Variants in LIMCH1 observed in about 807,000 individuals in gnomAD.
LIMCH1 encodes the protein LIM and calponin homology domains 1.
LIMCH1 carries 113 observed loss-of-function variants against 176.5 expected under a neutral mutation model. The observed-to-expected ratio is 0.64, with a 90% CI of 0.55 to 0.75. The LOEUF is 0.75. LIMCH1 is among the 30% of genes least tolerant of loss of function. LIMCH1 has a pLI of 0.00. For synonymous variants in LIMCH1, 619 were observed against 645.9 expected (o/e 0.96, Z 0.63); for missense variants, 1,674 against 1,814.9 (o/e 0.92, Z 1.41).
At chr4:41,526,910 C>A (rs539762105) in intron 3 of LIMCH1, among the ~76,000 whole-genome samples, 1 of 152,354 alleles carries the variant, frequency 6.6e-6, no homozygotes, top group East Asian at 1.9e-4. Flanking sequence ...ATCCTCATCT[C>A]TTGCCTGGAC....
chr4:41,681,202 G>A, intron 25 of LIMCH1, 143 bp downstream of exon 25: 1 of 519,122 alleles, frequency 1.9e-6, no homozygotes, highest in Non-Finnish European at 3.5e-6. Flanking sequence ...GCTACTGTGT[G>A]GCCATTGTAC....
At chr4:41,540,301 G>A (rs2078457418) in intron 1 of LIMCH1, among the ~76,000 whole-genome samples, 1 of 152,184 alleles carries the variant, frequency 6.6e-6, no homozygotes, top group South Asian at 2.1e-4. Flanking sequence ...AGAAAGAGGA[G>A]GAGGAGGAAC....
At chr4:41,635,424 C>T (rs565777245) in intron 13 of LIMCH1, among the ~76,000 whole-genome samples, 96 of 152,230 alleles carry the variant, frequency 6.3e-4, no homozygotes, top group South Asian at 4.8e-3. Context: ...GACGGGGTTT[C>T]GCTGTGTTGG....
chr4:41,486,243 G>A (rs181264860), intron 1 of LIMCH1, among the ~76,000 whole-genome samples: 31 of 152,150 alleles, frequency 2.0e-4, no homozygotes, highest in Middle Eastern at 3.4e-3. Context: ...TAAGCTTCCC[G>A]TTCTCCTAAG....
chr4:41,549,717 G>A (rs1312051796), intron 1 of LIMCH1, among the ~76,000 whole-genome samples: 5 of 151,978 alleles, frequency 3.3e-5, no homozygotes, highest in Non-Finnish European at 5.9e-5. Flanking sequence ...TGTATCTTGT[G>A]GGTTAGTGAT....
At chr4:41,666,195 A>G (rs973119503) in intron 20 of LIMCH1, among the ~76,000 whole-genome samples, 8 of 152,242 alleles carry the variant, frequency 5.3e-5, no homozygotes, top group African/African-American at 1.7e-4. Context: ...TGGAACATCT[A>G]AATCTCCTGA....
chr4:41,545,038 G>C (rs139309416), intron 1 of LIMCH1, among the ~76,000 whole-genome samples: 4 of 152,368 alleles, frequency 2.6e-5, no homozygotes, highest in African/African-American at 9.6e-5. Flanking sequence ...AGGGACTTCA[G>C]TGTCATAGGA....
chr4:41,466,318 C>G (rs1260249714), intron 1 of LIMCH1, among the ~76,000 whole-genome samples: 1 of 152,178 alleles, frequency 6.6e-6, no homozygotes, highest in South Asian at 2.1e-4. Flanking sequence ...TTCTCCACCC[C>G]GAGGACACAT....
At chr4:41,462,937 G>C (rs1472182459) in intron 1 of LIMCH1, among the ~76,000 whole-genome samples, 1 of 151,918 alleles carries the variant, frequency 6.6e-6, no homozygotes, top group East Asian at 1.9e-4. Context: ...AGCGAGCATA[G>C]GTTTAATAGC....
intron 2 of LIMCH1, among the ~76,000 whole-genome samples, chr4:41,497,673 C>T (rs887821921): frequency 2.0e-5 from 3 of 151,938 alleles, no homozygotes; most frequent in Non-Finnish European, 1.5e-5. Flanking sequence ...GGCTTGGTGG[C>T]GGATGCCTGT....
intron 1 of LIMCH1, among the ~76,000 whole-genome samples, chr4:41,491,149 C>T (rs2070824752): frequency 6.6e-6 from 1 of 151,346 alleles, no homozygotes; most frequent in Admixed American, 6.6e-5. Context: ...GCGCTCCCCA[C>T]CTCCCAGACG....
At chr4:41,399,840 A>ATTTTTTT (rs71198650) in intron 1 of LIMCH1, among the ~76,000 whole-genome samples, 6,745 of 113,756 alleles carry the variant, frequency 0.059, 417 homozygotes, top group Middle Eastern at 0.1. Flanking sequence ...TGCCCGGCTA[A>ATTTTTTT]TTTTTTTTTT....
intron 1 of LIMCH1, among the ~76,000 whole-genome samples, chr4:41,457,923 A>G (rs1288967712): frequency 6.6e-6 from 1 of 152,226 alleles, no homozygotes; most frequent in Non-Finnish European, 1.5e-5. Context: ...GGATAAATAG[A>G]TGAGGAACTA....
intron 1 of LIMCH1, among the ~76,000 whole-genome samples, chr4:41,571,088 T>G (rs2083476457): frequency 6.6e-6 from 1 of 151,832 alleles, no homozygotes; most frequent in South Asian, 2.1e-4. Flanking sequence ...AGGAGAGAAA[T>G]AAAGACTGTG....
chr4:41,634,110 A>C (rs777432190), intron 13 of LIMCH1, among the ~76,000 whole-genome samples: 5 of 152,344 alleles, frequency 3.3e-5, no homozygotes, highest in East Asian at 1.9e-4. Flanking sequence ...TTGAACTTCT[A>C]TCTGACTTAC....
chr4:41,624,415 C>T (rs1019980342), intron 7 of LIMCH1, among the ~76,000 whole-genome samples: 1 of 152,060 alleles, frequency 6.6e-6, no homozygotes, highest in African/African-American at 2.4e-5. Context: ...GCCCTCCTTA[C>T]CAAACGCCGG....
At chr4:41,654,216 C>T (rs189275736) in intron 18 of LIMCH1, among the ~76,000 whole-genome samples, 1 of 152,254 alleles carries the variant, frequency 6.6e-6, no homozygotes, top group East Asian at 1.9e-4. Flanking sequence ...AGCAACTGTG[C>T]TTCGAATTTT....
intron 1 of LIMCH1, among the ~76,000 whole-genome samples, chr4:41,554,414 G>C (rs1561731508): frequency 6.6e-6 from 1 of 152,144 alleles, no homozygotes; most frequent in Admixed American, 6.6e-5. Flanking sequence ...AATTCCTTCT[G>C]CTGTCACCTA....
intron 23 of LIMCH1, 42 bp downstream of exon 23, chr4:41,676,504 T>A: frequency 7.1e-7 from 1 of 1,413,974 alleles, no homozygotes; most frequent in Non-Finnish European, 1.0e-6. Flanking sequence ...TCCTTTTTTG[T>A]CCTCTTGCTT....
Sources: allele counts gnomAD v4.1 joint callset (sites outside exome capture counted in the v4.1 genomes callset), GRCh38; gene constraint gnomAD v4.1.1; transcripts MANE v1.5; gene names NCBI Gene and HGNC (gene_info 2026-07-23, HGNC 2026-07-21).